FAT4: variants seen among roughly 807,000 people sequenced by gnomAD.
The protein encoded by FAT4 is protocadherin Fat 4.
A neutral mutation model predicts 303.9 loss-of-function variants in FAT4; 84 were observed. The ratio of observed to expected loss-of-function variants is 0.28; its 90% CI spans 0.23 to 0.33. FAT4 has a LOEUF of 0.33. Among genes scored for constraint, FAT4 ranks in the 10% least tolerant of loss-of-function variants. The pLI is 1.00. For synonymous variants in FAT4, 2,307 were observed against 2,298.8 expected (o/e 1.00, Z -0.10); for missense variants, 6,005 against 6,146.8 (o/e 0.98, Z 0.77).
rs370451325 is a variant in FAT4, at chr4:125,448,767, C to G, written c.7757C>G (p.Ser2586Cys). ...FMFPENQPVSSLVTTITGSSL... is the reference protein window; with the variant it reads ...FMFPENQPVSCLVTTITGSSL... ...TTTCCTGAAAACCAACCAGTCAGCT[C>G]TCTTGTCACCACCATCACAGGATCC... The change falls in exon 10 of 18, where the codon TCT (serine) becomes TGT (cysteine). Residue 2586 changes from serine to cysteine, a missense_variant. Coordinates refer to ENST00000394329, the MANE Select transcript of FAT4 (RefSeq NM_001291303.3). 1.9e-6 allele frequency: 3 copies of G among 1,612,134 alleles called. No homozygotes were observed. The highest frequency in any genetic ancestry group is 2.5e-6 in the Non-Finnish European group (3 of 1,179,902).
intron 11 of FAT4, among the ~76,000 whole-genome samples, chr4:125,465,062 T>C (rs1023077832): frequency 6.6e-6 from 1 of 152,154 alleles, no homozygotes; most frequent in Non-Finnish European, 1.5e-5. Context: ...ACAAACAAAA[T>C]AGAAAAATAT....
rs776281797 is a variant in FAT4, at chr4:125,317,705, C to T, written c.1294C>T (p.Pro432Ser). The T allele has an allele frequency of 2.5e-6, 4 of 1,614,090 alleles. No homozygotes were observed. The highest frequency in any genetic ancestry group is 2.2e-5 in the South Asian group (2 of 91,084). The change falls in exon 2 of 18, where the codon CCT becomes TCT. Residue 432 changes from proline (P) to serine (S), a missense_variant. Coordinates refer to ENST00000394329, the MANE Select transcript of FAT4 (RefSeq NM_001291303.3). This position sits in a 1 kb window ranked among gnomAD's most constrained non-coding sequence, Gnocchi z 7.0. ...VASALDRERIPSYNLTVSVSD... is the reference protein window; with the variant it reads ...VASALDRERISSYNLTVSVSD... ...CAGCGCCTTGGACCGCGAGCGCATC[C>T]CTTCCTACAACCTCACAGTTTCCGT...
At chr4:125,345,783 T>C in intron 2 of FAT4, among the ~76,000 whole-genome samples, 1 of 152,200 alleles carries the variant, frequency 6.6e-6, no homozygotes. Context: ...TTGTCTATAT[T>C]TTAATCACAT....
intron 14 of FAT4, among the ~76,000 whole-genome samples, chr4:125,478,525 C>CTGTT (rs539031034): frequency 2.6e-5 from 4 of 151,920 alleles, no homozygotes; most frequent in East Asian, 1.9e-4. Context: ...AATGATGTTT[C>CTGTT]TGTTTGTTTG....
rs1730540155 is a variant in FAT4 at position 125,315,540 on chromosome 4, G to T, written c.-450G>T. Among the ~76,000 whole-genome samples the T allele has an allele frequency of 6.6e-6, 1 of 152,166 alleles. No homozygotes were observed. The highest frequency in any genetic ancestry group is 1.5e-5 in the Non-Finnish European group (1 of 68,038). The stretch of plus-strand genomic sequence containing the variant: ...AGGCCGAGAAGAAAGGGGAAACTGC[G>T]TTCGATTTGGATGTACAAATAATGG... On this transcript the variant is annotated 5_prime_UTR_variant, in exon 1 of 18. Transcript: ENST00000394329.
chr4:125,397,757 T>A lies in FAT4; in HGVS notation c.5176-1027T>A, dbSNP rs564851745. ...GCCTCTCCCCTTCCCACAGCTTCCATTCTTCCTGGGAAAGGAGAAATCAGA... is the reference window on the plus strand; with the variant it reads ...GCCTCTCCCCTTCCCACAGCTTCCAATCTTCCTGGGAAAGGAGAAATCAGA... On this transcript the variant is annotated intron_variant, in intron 2 of 17. Coordinates refer to ENST00000394329, the MANE Select transcript of FAT4 (RefSeq NM_001291303.3). Among the ~76,000 whole-genome samples the A allele has an allele frequency of 3.3e-5, 5 of 152,292 alleles. No homozygotes were observed. The East Asian group carries it at 9.6e-4, about 29-fold the overall frequency.
chr4:125,467,939 C>T (rs187805609), intron 11 of FAT4, among the ~76,000 whole-genome samples: 3,473 of 152,070 alleles, frequency 0.023, 135 homozygotes, highest in African/African-American at 0.081. Context: ...CTGAGGCAGG[C>T]GGATCACCTG....
chr4:125,413,172 A>G (rs1041324555), intron 5 of FAT4, among the ~76,000 whole-genome samples: 44 of 151,954 alleles, frequency 2.9e-4, no homozygotes, highest in African/African-American at 1.1e-3. Flanking sequence ...ATATATATAT[A>G]TGTGAAGATA....
At position 125,408,760 on chromosome 4, in the gene FAT4, T is replaced by G; in HGVS notation, c.5886T>G (p.Thr1962=). ...SLMENLPVGS[T]VLVFNVTDAD... is the part of the protein sequence containing the mutation. ...TGGAGAATCTACCTGTGGGATCTAC[T>G]GTTCTTGTGTTTAATGTTACTGATG... The change falls in exon 5 of 18, where the codon ACT becomes ACG. Residue 1962 remains threonine, a synonymous_variant. Transcript: ENST00000394329. 1 of 1,582,378 alleles carries G rather than the reference T, an allele frequency of 6.3e-7. No homozygotes were observed. The highest frequency in any genetic ancestry group is 2.3e-5 in the East Asian group (1 of 44,382).
Position 125,449,269 on chromosome 4 carries a change from G to A in FAT4, c.8259G>A (p.Pro2753=), listed in dbSNP as rs572471083. The change falls in exon 10 of 18, where the codon CCG becomes CCA. Residue 2753 remains proline (P), a synonymous_variant. Transcript: ENST00000394329. ...LTIKSSDKGS[P]SQSTSVKVMI... is the part of the protein sequence containing the mutation. ...TAAAATCATCAGACAAAGGGTCCCC[G>A]TCTCAGAGTACTTCAGTAAAAGTCA... 31 of 1,613,738 alleles carry A rather than the reference G, an allele frequency of 1.9e-5. No homozygotes were observed. The highest frequency in any genetic ancestry group is 2.4e-5 in the Non-Finnish European group (28 of 1,179,890).
At chr4:125,377,067 T>TG (rs1422976839) in intron 2 of FAT4, among the ~76,000 whole-genome samples, 4 of 152,160 alleles carry the variant, frequency 2.6e-5, no homozygotes, top group African/African-American at 9.7e-5. Flanking sequence ...ATTTTCTTTG[T>TG]GTTTTTCTTC....
At chr4:125,445,002 G>C (rs923463712) in intron 8 of FAT4, among the ~76,000 whole-genome samples, 2 of 151,988 alleles carry the variant, frequency 1.3e-5, no homozygotes, top group African/African-American at 4.8e-5. Context: ...ATTATCTACT[G>C]TAAAGGGCAA....
intron 8 of FAT4, among the ~76,000 whole-genome samples, chr4:125,437,016 G>A (rs549633491): frequency 3.3e-5 from 5 of 152,020 alleles, no homozygotes; most frequent in South Asian, 2.1e-4. Context: ...CACCACACTC[G>A]GCTAATTTTT....
chr4:125,431,353 A>G (rs1224013125), intron 7 of FAT4, among the ~76,000 whole-genome samples: 2 of 152,206 alleles, frequency 1.3e-5, no homozygotes, highest in Non-Finnish European at 2.9e-5. Context: ...GAATTTTTAG[A>G]GAGCTAAATG....
rs1730688530 is a variant in FAT4 at position 125,317,734 on chromosome 4, T to C, written c.1323T>C (p.Ser441=). 6.2e-7 allele frequency: 1 copy of C among 1,614,136 alleles called. No individual in the cohort carries two copies. The highest frequency in any genetic ancestry group is 8.5e-7 in the Non-Finnish European group (1 of 1,180,032). ...CCTACAACCTCACAGTTTCCGTCTC[T>C]GATAACTACGGGGCGCCCCCTGGCG... ...IPSYNLTVSV[S]DNYGAPPGAA... Residue 441 remains serine, a synonymous_variant, in exon 2 of 18, where the codon TCT becomes TCC. Coordinates refer to ENST00000394329, the MANE Select transcript of FAT4 (RefSeq NM_001291303.3). The surrounding 1 kb of genome is among the most constrained non-coding windows in gnomAD (Gnocchi z 7.0).
At chr4:125,388,194 A>C (rs554496747) in intron 2 of FAT4, among the ~76,000 whole-genome samples, 73 of 152,296 alleles carry the variant, frequency 4.8e-4, no homozygotes, top group African/African-American at 1.7e-3. Flanking sequence ...CAATCCAAAT[A>C]TTATGAAAGA....
intron 17 of FAT4, among the ~76,000 whole-genome samples, chr4:125,489,264 G>T (rs1727519080): frequency 6.6e-6 from 1 of 152,124 alleles, no homozygotes; most frequent in African/African-American, 2.4e-5. Flanking sequence ...TCTTAACTTT[G>T]CATTTTATCT....
At position 125,450,250 on chromosome 4, in the gene FAT4, T is replaced by C. The variant is rs1454626880; in HGVS notation, c.9240T>C (p.Thr3080=). 3 of 1,613,998 alleles carry C rather than the reference T, an allele frequency of 1.9e-6. No homozygotes were observed. The highest frequency in any genetic ancestry group is 2.7e-5 in the African/African-American group (2 of 74,924). ...CTTCCCAAGCAACTGTTCACATAAC[T>C]GTCACTGAGGAAAACTACCATACAC... ...PLSSQATVHI[T]VTEENYHTPE... Residue 3080 remains threonine (T), a synonymous_variant, in exon 10 of 18, where the codon ACT becomes ACC. Coordinates refer to ENST00000394329, the MANE Select transcript of FAT4 (RefSeq NM_001291303.3).
chr4:125,456,356 TCTC>T (rs1237511649), intron 10 of FAT4, among the ~76,000 whole-genome samples: 3 of 152,100 alleles, frequency 2.0e-5, no homozygotes, highest in Non-Finnish European at 4.4e-5. Context: ...GTTACATACT[TCTC>T]CTCAGAGTTC....
Sources: allele counts gnomAD v4.1 joint callset (sites outside exome capture counted in the v4.1 genomes callset), GRCh38; gene constraint gnomAD v4.1.1; non-coding constraint Gnocchi (gnomAD v3.1); transcripts MANE v1.5; gene names NCBI Gene and HGNC (gene_info 2026-07-23, HGNC 2026-07-21).